Variants in PINX1 observed in about 807,000 individuals in gnomAD.
The protein encoded by PINX1 is PIN2/TERF1-interacting telomerase inhibitor 1.
PINX1 carries 34 observed loss-of-function variants against 25.4 expected under a neutral mutation model. The ratio of observed to expected loss-of-function variants is 1.34; its 90% CI spans 1.02 to 1.78. The LOEUF (loss-of-function observed/expected upper bound fraction) is 1.78, where lower values mean the gene tolerates loss of function less well. PINX1 is among the 40% of genes most tolerant of loss of function. The pLI, the probability that PINX1 is intolerant of heterozygous loss-of-function variation, is 0.00. For missense variants in PINX1, 592 were observed against 404.9 expected (o/e 1.46, Z -3.97); for synonymous variants, 197 against 147.7 (o/e 1.33, Z -2.42).
chr8:10,788,376 G>C (rs560939366), intron 6 of PINX1, among the ~76,000 whole-genome samples: 5 of 152,096 alleles, frequency 3.3e-5, no homozygotes, highest in Non-Finnish European at 5.9e-5. Context: ...AGCAGTTGAA[G>C]ACATGGTGAA....
intron 6 of PINX1, among the ~76,000 whole-genome samples, chr8:10,807,855 G>C (rs1056207178): frequency 1.3e-5 from 2 of 152,168 alleles, no homozygotes; most frequent in Non-Finnish European, 2.9e-5. Flanking sequence ...GGAGGCCAGG[G>C]AAATGGCCGA....
chr8:10,782,001 C>T (rs1241888929), intron 6 of PINX1, among the ~76,000 whole-genome samples: 1 of 150,226 alleles, frequency 6.7e-6, no homozygotes, highest in Non-Finnish European at 1.5e-5. Context: ...TGGAATATTA[C>T]TCAGCCTTTA....
intron 6 of PINX1, chr8:10,787,960 G>T (rs112974475): frequency 6.5e-4 from 239 of 366,070 alleles, no homozygotes; most frequent in Non-Finnish European, 1.0e-3. Context: ...TTAGACAACT[G>T]GGGAAACTTG....
chr8:10,809,097 G>T (rs1188375892), intron 6 of PINX1, among the ~76,000 whole-genome samples: 1 of 152,174 alleles, frequency 6.6e-6, no homozygotes, highest in East Asian at 1.9e-4. Flanking sequence ...AGGTATGATG[G>T]TTTATTTCAG....
At chr8:10,795,754 T>C (rs1054057889) in intron 6 of PINX1, among the ~76,000 whole-genome samples, 2 of 152,166 alleles carry the variant, frequency 1.3e-5, no homozygotes, top group African/African-American at 4.8e-5. Flanking sequence ...ATTACCTAAA[T>C]AGGTAAAGTC....
chr8:10,765,263 G>C lies in PINX1; in HGVS notation c.*138C>G, dbSNP rs1387908572. 5 of 708,670 alleles carry C rather than the reference G, an allele frequency of 7.1e-6. No homozygotes were observed. The highest frequency in any genetic ancestry group is 3.2e-5 in the Admixed American group (1 of 31,294). The allele number at this position is 708,670 out of a possible 1,614,324, so 43.9% of individuals were successfully genotyped here. On this transcript the variant is annotated 3_prime_UTR_variant, in exon 7 of 7. Coordinates refer to ENST00000314787, the MANE Select transcript of PINX1 (RefSeq NM_017884.6). ...TGGGGGAAATGTGGCGAGAGGGCAG[G>C]ACTCGGCAGCCCATGGGCATGCCAC...
intron 5 of PINX1, among the ~76,000 whole-genome samples, chr8:10,825,723 G>A (rs774745251): frequency 4.5e-4 from 68 of 152,134 alleles, no homozygotes; most frequent in Non-Finnish European, 6.5e-4. Flanking sequence ...TCACACTGGA[G>A]GTATCAATAT....
chr8:10,810,782 A>C (rs1797490072), intron 6 of PINX1, among the ~76,000 whole-genome samples: 1 of 152,192 alleles, frequency 6.6e-6, no homozygotes. Context: ...GTCATTACTT[A>C]TCTTCAACAT....
At chr8:10,839,526 T>C (rs529963434) in intron 1 of PINX1, among the ~76,000 whole-genome samples, 39 of 152,294 alleles carry the variant, frequency 2.6e-4, no homozygotes, top group African/African-American at 8.4e-4. Context: ...CGGGAGACAC[T>C]TGCGGTCTCT....
At chr8:10,769,408 T>TA (rs561810249) in intron 6 of PINX1, among the ~76,000 whole-genome samples, 150 of 152,328 alleles carry the variant, frequency 9.8e-4, no homozygotes, top group African/African-American at 3.5e-3. Context: ...TCCCAAATGG[T>TA]AAGTGGGCCT....
chr8:10,771,577 C>T (rs974581279), intron 6 of PINX1, among the ~76,000 whole-genome samples: 2 of 152,200 alleles, frequency 1.3e-5, no homozygotes, highest in Non-Finnish European at 2.9e-5. Context: ...AATCCACAAC[C>T]TCCCTAATGA....
At chr8:10,806,483 C>G (rs978389297) in intron 6 of PINX1, among the ~76,000 whole-genome samples, 1 of 152,192 alleles carries the variant, frequency 6.6e-6, no homozygotes, top group African/African-American at 2.4e-5. Context: ...TCCCACCCCC[C>G]TCACATGTAT....
chr8:10,771,736 T>C (rs1801229332), intron 6 of PINX1, among the ~76,000 whole-genome samples: 1 of 152,204 alleles, frequency 6.6e-6, no homozygotes, highest in African/African-American at 2.4e-5. Context: ...GCAGGTCTAA[T>C]GTCCAGAAGG....
intron 5 of PINX1, chr8:10,825,237 G>A (rs905296642): frequency 2.2e-5 from 10 of 454,970 alleles, no homozygotes; most frequent in Non-Finnish European, 3.6e-5. Context: ...GGCTGTACAA[G>A]TTAAGAGCTT....
intron 6 of PINX1, among the ~76,000 whole-genome samples, chr8:10,798,678 G>C (rs1458228828): frequency 6.6e-6 from 1 of 152,146 alleles, no homozygotes; most frequent in African/African-American, 2.4e-5. Flanking sequence ...AATTACTTTT[G>C]CAACTCTCTC....
chr8:10,787,278 G>C (rs570147738), intron 6 of PINX1, among the ~76,000 whole-genome samples: 1 of 151,990 alleles, frequency 6.6e-6, no homozygotes, highest in Non-Finnish European at 1.5e-5. Flanking sequence ...CCAGGCTGGA[G>C]AGCAGTGGCG....
intron 1 of PINX1, among the ~76,000 whole-genome samples, chr8:10,835,740 T>C (rs1362215498): frequency 1.3e-5 from 2 of 151,184 alleles, no homozygotes; most frequent in African/African-American, 4.9e-5. Context: ...AATATGTGAA[T>C]GGAATAAACG....
At chr8:10,828,349 C>A (rs535909682) in intron 4 of PINX1, among the ~76,000 whole-genome samples, 1 of 152,178 alleles carries the variant, frequency 6.6e-6, no homozygotes, top group Non-Finnish European at 1.5e-5. Context: ...CGGCTCCTAC[C>A]GACTGCAAGT....
At chr8:10,791,397 G>C (rs1801918130) in intron 6 of PINX1, among the ~76,000 whole-genome samples, 1 of 152,138 alleles carries the variant, frequency 6.6e-6, no homozygotes, top group Admixed American at 6.5e-5. Flanking sequence ...GCATCCTTGG[G>C]TCACTGCAGG....
Sources: allele counts gnomAD v4.1 joint callset (sites outside exome capture counted in the v4.1 genomes callset), GRCh38; gene constraint gnomAD v4.1.1; transcripts MANE v1.5; gene names NCBI Gene and HGNC (gene_info 2026-07-23, HGNC 2026-07-21).